Variants in ITPR2 observed in about 807,000 individuals in gnomAD.
The protein encoded by ITPR2 is inositol 1,4,5-trisphosphate receptor type 2, also known as inositol 1,4,5-trisphosphate-gated calcium channel ITPR2.
A neutral mutation model predicts 317.1 loss-of-function variants in ITPR2; 207 were observed. That is an observed-to-expected ratio of 0.65 (90% confidence interval 0.58 to 0.73). The LOEUF (loss-of-function observed/expected upper bound fraction) is 0.73, where lower values mean the gene tolerates loss of function less well. ITPR2 is among the 30% of genes least tolerant of loss of function. The probability of loss-of-function intolerance (pLI) is 0.00; values close to 1 mark genes in which losing one functional copy is unlikely to be tolerated. For missense variants in ITPR2, 2,613 were observed against 3,284.0 expected, an observed-to-expected ratio of 0.80 and a Z score of 4.99; for synonymous variants, 1,156 against 1,149.1, an observed-to-expected ratio of 1.01 and a Z score of -0.12.
In ITPR2 at chr12:26,497,608, A is replaced by G. The variant is rs112917400; in HGVS notation, c.5074-2348T>C. On this transcript the variant is annotated intron_variant, in intron 37 of 56. Coordinates refer to ENST00000381340, the MANE Select transcript of ITPR2 (RefSeq NM_002223.4). ...GCTGTCGACTCTGAGGAGGCTCTAC[A>G]TGGCATAGCCTGTCTACTAACTTAT... Among the ~76,000 whole-genome samples the G allele has an allele frequency of 3.4e-3, 514 of 150,466 alleles. 1 individual carries two copies. The highest frequency in any genetic ancestry group is 5.6e-3 in the Admixed American group (85 of 15,106).
intron 37 of ITPR2, among the ~76,000 whole-genome samples, chr12:26,545,340 G>T (rs1944369325): frequency 6.6e-6 from 1 of 152,138 alleles, no homozygotes; most frequent in East Asian, 1.9e-4. Context: ...GAAGGAGACA[G>T]GAGCATCAGA....
At chr12:26,480,113 C>G (rs765140807) in intron 43 of ITPR2, among the ~76,000 whole-genome samples, 7 of 152,200 alleles carry the variant, frequency 4.6e-5, no homozygotes, top group Non-Finnish European at 7.3e-5. Context: ...CTTGGATAGA[C>G]AGGGCTTCAC....
rs180921113 is a variant in ITPR2 at position 26,446,134 on chromosome 12, G to T, written c.6343-2484C>A. Among the ~76,000 whole-genome samples, 115 of 152,214 alleles carry T rather than the reference G, an allele frequency of 7.6e-4. 1 individual carries two copies. The highest frequency in any genetic ancestry group is 2.6e-3 in the African/African-American group (106 of 41,536). ...GAAGCTGATAATGAGGACGAGAGAG[G>T]AGGTGTTGGATAACTGATGAAAAGC... On this transcript the variant is annotated intron_variant, in intron 45 of 56. Transcript: ENST00000381340.
intron 2 of ITPR2, among the ~76,000 whole-genome samples, chr12:26,732,578 A>G (rs1949044642): frequency 1.3e-5 from 2 of 152,110 alleles, no homozygotes; most frequent in African/African-American, 4.8e-5. Context: ...TCTTCACAAG[A>G]CTCTCAAGAG....
chr12:26,786,690 T>C (rs968763663), intron 2 of ITPR2, among the ~76,000 whole-genome samples: 1 of 152,204 alleles, frequency 6.6e-6, no homozygotes, highest in African/African-American at 2.4e-5. Context: ...TGGAACTTGG[T>C]TGCCACAGTC....
chr12:26,435,261 C>T (rs992821529), intron 48 of ITPR2, among the ~76,000 whole-genome samples: 10 of 152,194 alleles, frequency 6.6e-5, no homozygotes, highest in African/African-American at 2.4e-4. Flanking sequence ...TACTCTCTTT[C>T]CACTACGCTT....
intron 54 of ITPR2, 51 bp downstream of exon 54, chr12:26,398,825 T>G: frequency 6.7e-7 from 1 of 1,483,362 alleles, no homozygotes; most frequent in South Asian, 1.3e-5. Flanking sequence ...AGCCCCTCTT[T>G]CCTGCAAACA....
chr12:26,417,316 G>C (rs924896456), intron 50 of ITPR2, among the ~76,000 whole-genome samples: 9 of 152,038 alleles, frequency 5.9e-5, no homozygotes, highest in Non-Finnish European at 1.2e-4. Flanking sequence ...ATTAGAAAAT[G>C]GGGTTAATAA....
chr12:26,399,151 C>T (rs1220344160), intron 53 of ITPR2, 110 bp from the exon 54 acceptor site: 2 of 805,044 alleles, frequency 2.5e-6, no homozygotes, highest in Non-Finnish European at 3.5e-6. Flanking sequence ...AAATAGTATC[C>T]CAAGTTGGAA....
intron 14 of ITPR2, among the ~76,000 whole-genome samples, chr12:26,664,243 A>T (rs1335528725): frequency 6.6e-6 from 1 of 152,248 alleles, no homozygotes; most frequent in Non-Finnish European, 1.5e-5. Context: ...AATCAAAATA[A>T]TATAAAGAAA....
chr12:26,454,765 CTG>C (rs1941838469), intron 45 of ITPR2, among the ~76,000 whole-genome samples: 1 of 152,102 alleles, frequency 6.6e-6, no homozygotes, highest in Non-Finnish European at 1.5e-5. Flanking sequence ...ATGATGGACA[CTG>C]AGAAATGACT....
intron 49 of ITPR2, chr12:26,421,589 A>AAAAC (rs1940891937): frequency 6.6e-6 from 1 of 150,726 alleles, no homozygotes; most frequent in African/African-American, 2.5e-5. Context: ...GCAAGTTGCT[A>AAAAC]AAACAGTCTC....
intron 10 of ITPR2, among the ~76,000 whole-genome samples, chr12:26,693,420 T>C (rs552364528): frequency 6.6e-6 from 1 of 152,346 alleles, no homozygotes; most frequent in Non-Finnish European, 1.5e-5. Flanking sequence ...ATACCCTATG[T>C]AGTCAACCCT....
chr12:26,710,713 T>C (rs995752272), intron 9 of ITPR2, among the ~76,000 whole-genome samples: 1 of 152,218 alleles, frequency 6.6e-6, no homozygotes, highest in African/African-American at 2.4e-5. Flanking sequence ...TTATTGACAG[T>C]TTTACGAAGA....
intron 55 of ITPR2, among the ~76,000 whole-genome samples, chr12:26,383,351 G>T (rs925661718): frequency 1.3e-5 from 2 of 151,902 alleles, no homozygotes; most frequent in Non-Finnish European, 2.9e-5. Flanking sequence ...GACTAACACA[G>T]TGCTTTAATG....
At chr12:26,494,088 T>A in intron 39 of ITPR2, 65 bp downstream of exon 39, 1 of 1,299,672 alleles carries the variant, frequency 7.7e-7, no homozygotes, top group African/African-American at 1.5e-5. Flanking sequence ...TTTCCTTGGT[T>A]TCTGTGACAA....
rs777860729 is a variant in ITPR2, at chr12:26,659,166, T to C, written c.1833A>G (p.Thr611=). ...TGACAAATGTTTCTATTTCTTTTGCTGTGATATGTTTCTCTAGTAGTTTTC... is the reference window on the plus strand; with the variant it reads ...TGACAAATGTTTCTATTTCTTTTGCCGTGATATGTTTCTCTAGTAGTTTTC... ...NNRKLLEKHI[T]AKEIETFVSL... Residue 611 remains threonine, a synonymous_variant, in exon 16 of 57, where the codon ACA becomes ACG. Transcript: ENST00000381340. 4 of 1,613,732 alleles carry C rather than the reference T, an allele frequency of 2.5e-6. No homozygotes were observed. The highest frequency in any genetic ancestry group is 1.7e-5 in the Admixed American group (1 of 60,000).
chr12:26,568,326 G>C (rs897111273), intron 34 of ITPR2, among the ~76,000 whole-genome samples: 3 of 151,720 alleles, frequency 2.0e-5, no homozygotes, highest in African/African-American at 7.3e-5. Context: ...TAATAAGAGA[G>C]AGGATGGGTT....
At chr12:26,561,706 T>C in intron 35 of ITPR2, 56 bp downstream of exon 35, 2 of 1,332,978 alleles carry the variant, frequency 1.5e-6, no homozygotes, top group Non-Finnish European at 2.0e-6. Flanking sequence ...TGTGACTACA[T>C]ATTTTTAAAA....
Sources: allele counts gnomAD v4.1 joint callset (sites outside exome capture counted in the v4.1 genomes callset), GRCh38; gene constraint gnomAD v4.1.1; transcripts MANE v1.5; gene names NCBI Gene and HGNC (gene_info 2026-07-23, HGNC 2026-07-21).